Variants in RPS15A observed in about 807,000 individuals in gnomAD.
RPS15A encodes the protein small ribosomal subunit protein uS8.
For missense variants in RPS15A, 62 were observed against 163.4 expected, an observed-to-expected ratio of 0.38 and a Z score of 3.38; for synonymous variants, 55 against 58.5, an observed-to-expected ratio of 0.94 and a Z score of 0.27.
At chr16:18,788,417 C>T in intron 2 of RPS15A, 1 of 420,754 alleles carries the variant, frequency 2.4e-6, no homozygotes, top group South Asian at 3.3e-5. Context: ...CCAAAGACTA[C>T]TTTGTGCCAA....
In RPS15A at chr16:18,784,477, C is replaced by G. The variant is rs528255885; in HGVS notation, c.299+261G>C. Reference sequence around the variant, plus strand: ...GTCAGGGTGGTCTCGAACTCCCAACCTCAGGTGATCCGCCTGCCTCAGCCT... The same window carrying G: ...GTCAGGGTGGTCTCGAACTCCCAACGTCAGGTGATCCGCCTGCCTCAGCCT... On this transcript the variant is annotated intron_variant, in intron 4 of 4. Transcript: ENST00000322989. 4.6e-5 allele frequency: 17 copies of G among 370,476 alleles called. No individual in the cohort carries two copies. The East Asian group carries it at 8.0e-4, about 18-fold the overall frequency. The allele number at this position is 370,476 out of a possible 1,614,324, so 22.9% of individuals were successfully genotyped here.
At chr16:18,788,002 C>A in intron 3 of RPS15A, 61 bp downstream of exon 3, 1 of 1,015,130 alleles carries the variant, frequency 9.9e-7, no homozygotes, top group Non-Finnish European at 1.6e-6. Context: ...GCAATTACAA[C>A]ATTTAACGCC....
intron 3 of RPS15A, 72 bp downstream of exon 3, chr16:18,787,991 G>A (rs771655501): frequency 5.4e-6 from 5 of 924,638 alleles, no homozygotes; most frequent in African/African-American, 1.6e-5. Context: ...TATTTCCAAA[G>A]GCAATTACAA....
intron 2 of RPS15A, chr16:18,788,426 A>C (rs2029936993): frequency 2.5e-6 from 1 of 399,606 alleles, no homozygotes; most frequent in Non-Finnish European, 4.5e-6. Context: ...ACTTTGTGCC[A>C]AAGAAGTGCA....
At chr16:18,784,954 T>C (rs867190831) in intron 3 of RPS15A, 131 bp from the exon 4 acceptor site, 4 of 668,912 alleles carry the variant, frequency 6.0e-6, no homozygotes, top group Admixed American at 3.0e-5. Context: ...TGGGTACTTA[T>C]TCTGTGCACA....
intron 4 of RPS15A, 73 bp from the exon 5 acceptor site, chr16:18,783,175 C>G (rs1903991645): frequency 1.0e-6 from 1 of 963,950 alleles, no homozygotes; most frequent in African/African-American, 1.6e-5. Context: ...AGAAAAACAT[C>G]AACACTCATC....
At position 18,782,307 on chromosome 16, in the gene RPS15A, A is replaced by G. The variant is rs1596932933; in HGVS notation, c.*702T>C. ...CGACTTTGTCTTAAAAAAAAAAAAA[A>G]AAAAAAAAAAATTCCTAGCAAGTAT... On this transcript the variant is annotated 3_prime_UTR_variant, in exon 5 of 5. Coordinates refer to ENST00000322989, the MANE Select transcript of RPS15A (RefSeq NM_001019.5). 6.9e-6 allele frequency: 1 copy of G among 145,620 alleles called. No individual in the cohort carries two copies. Among genetic ancestry groups the G allele is most frequent in the East Asian group, 2.0e-4 (1 of 5,128 alleles). The allele number at this position is 145,620 out of a possible 1,614,324, so 9.0% of individuals were successfully genotyped here. A position where few individuals can be genotyped will look rare whatever the true frequency, so the allele number is the denominator to read the frequency against.
Position 18,781,803 on chromosome 16 carries a change from G to A in RPS15A, c.*1206C>T, listed in dbSNP as rs576280979. 1 of 152,180 alleles carries A rather than the reference G, an allele frequency of 6.6e-6. No individual in the cohort carries two copies. The highest frequency in any genetic ancestry group is 2.1e-4 in the South Asian group (1 of 4,814). 9.4% of individuals were successfully genotyped at this position (152,180 alleles called of 1,614,324 possible). On this transcript the variant is annotated 3_prime_UTR_variant, in exon 5 of 5. Transcript: ENST00000322989. ...GACTTCCCATATCTTACAGAGGCAG[G>A]CCCTCCTTTCAGGAAGCTGATCCAT...
intron 3 of RPS15A, chr16:18,786,061 T>C (rs1162645337): frequency 6.5e-6 from 1 of 153,354 alleles, no homozygotes; most frequent in African/African-American, 2.4e-5. Context: ...ACGTTCTCTT[T>C]TAAATGGGGA....
intron 4 of RPS15A, chr16:18,783,668 A>C (rs750653020): frequency 2.6e-5 from 12 of 455,962 alleles, no homozygotes; most frequent in African/African-American, 4.0e-5. Flanking sequence ...TGAAGTGAGA[A>C]TACTTTCAAC....
chr16:18,787,829 C>A (rs1308103717), intron 3 of RPS15A, among the ~76,000 whole-genome samples: 4 of 152,198 alleles, frequency 2.6e-5, no homozygotes, highest in East Asian at 3.8e-4. Flanking sequence ...CACCCCCCAT[C>A]TCTCCTGAGA....
chr16:18,789,155 A>G (rs2029963844), intron 1 of RPS15A, 37 bp from the exon 2 acceptor site: 1 of 1,584,532 alleles, frequency 6.3e-7, no homozygotes, highest in Non-Finnish European at 8.6e-7. Flanking sequence ...TTTTACTGGC[A>G]TTGCCAACAT....
intron 4 of RPS15A, chr16:18,783,881 C>T: frequency 2.8e-6 from 1 of 355,764 alleles, no homozygotes; most frequent in South Asian, 2.2e-5. Context: ...AGGGTTTGAA[C>T]TCAGATAGGC....
intron 2 of RPS15A, 122 bp downstream of exon 2, chr16:18,788,859 G>A (rs576689198): frequency 1.4e-5 from 14 of 1,023,936 alleles, no homozygotes; most frequent in African/African-American, 3.2e-5. Flanking sequence ...CAGCCCACAG[G>A]TCAATTGCAT....
intron 2 of RPS15A, chr16:18,788,718 T>C: frequency 2.7e-6 from 1 of 373,020 alleles, no homozygotes; most frequent in East Asian, 4.5e-5. Flanking sequence ...GCCAGGCTGG[T>C]CTCGAAATGA....
At chr16:18,788,241 A>C in intron 2 of RPS15A, 99 bp from the exon 3 acceptor site, 1 of 755,496 alleles carries the variant, frequency 1.3e-6, no homozygotes, top group Non-Finnish European at 2.3e-6. Context: ...CCATCACCTC[A>C]GTGACTGCTT....
intron 1 of RPS15A, 104 bp from the exon 2 acceptor site, chr16:18,789,222 G>C: frequency 1.7e-6 from 2 of 1,211,594 alleles, no homozygotes; most frequent in Non-Finnish European, 2.3e-6. Flanking sequence ...GCCCCACCTT[G>C]GCGAAGTTTT....
chr16:18,789,565 A>C (rs559149402), intron 1 of RPS15A, among the ~76,000 whole-genome samples: 23 of 152,350 alleles, frequency 1.5e-4, no homozygotes, highest in Admixed American at 3.3e-4. Context: ...CAGATTCCAT[A>C]CTATTAACAT....
chr16:18,789,876 C>G (rs1286392865), intron 1 of RPS15A: 2 of 152,394 alleles, frequency 1.3e-5, no homozygotes, highest in Middle Eastern at 3.4e-3. Flanking sequence ...ACTGCCAACC[C>G]CGGCACGATG....
Sources: gnomAD v4.1 joint callset for allele counts (sites outside exome capture counted in the v4.1 genomes callset) on GRCh38, gnomAD v4.1.1 for gene constraint, MANE v1.5 for transcripts, NCBI Gene and HGNC (gene_info 2026-07-23, HGNC 2026-07-21) for gene names.